CREB3L2: variants seen among roughly 807,000 people sequenced by gnomAD.
The protein encoded by CREB3L2 is cAMP responsive element binding protein 3 like 2.
In CREB3L2, 23 loss-of-function variants were observed where a neutral mutation model predicts 57.2. The ratio of observed to expected loss-of-function variants is 0.40; its 90% CI spans 0.29 to 0.57. The LOEUF is 0.57. CREB3L2 is among the 20% of genes least tolerant of loss of function. The pLI is 0.42. For synonymous variants in CREB3L2, 268 were observed against 265.1 expected (o/e 1.01, Z -0.11); for missense variants, 628 against 634.7 (o/e 0.99, Z 0.11).
intron 1 of CREB3L2, among the ~76,000 whole-genome samples, chr7:137,934,233 C>T (rs1239461656): frequency 6.6e-6 from 1 of 152,174 alleles, no homozygotes; most frequent in East Asian, 1.9e-4. Flanking sequence ...AGCTAGGGTA[C>T]TCATGTCAAA....
chr7:137,977,738 T>C (rs1801633806), intron 1 of CREB3L2, among the ~76,000 whole-genome samples: 1 of 152,048 alleles, frequency 6.6e-6, no homozygotes, highest in African/African-American at 2.4e-5. Flanking sequence ...CTGGTCAATA[T>C]GATGAAACCC....
At position 137,879,366 on chromosome 7, in the gene CREB3L2, T is replaced by G; in HGVS notation, c.*1110A>C. On this transcript the variant is annotated 3_prime_UTR_variant, in exon 12 of 12. Coordinates refer to ENST00000330387, the MANE Select transcript of CREB3L2 (RefSeq NM_194071.4). ...GAGGGAGGAGGGGGCCAGGCAGGTG[T>G]GGAAAGCCAGCAAGGTTGTCTGAAA... is the stretch of plus-strand genomic sequence containing the variant. The G allele has an allele frequency of 2.1e-6, 1 of 483,132 alleles. No homozygotes were observed. Among genetic ancestry groups the G allele is most frequent in the Non-Finnish European group, 4.0e-6 (1 of 252,622 alleles). 29.9% of individuals were successfully genotyped at this position (483,132 alleles called of 1,614,324 possible). A position where few individuals can be genotyped will look rare whatever the true frequency, so the allele number is the denominator to read the frequency against.
At chr7:137,906,107 G>C (rs577555595) in intron 5 of CREB3L2, among the ~76,000 whole-genome samples, 4 of 152,084 alleles carry the variant, frequency 2.6e-5, no homozygotes, top group Non-Finnish European at 5.9e-5. Context: ...ATTATTTCCC[G>C]GGAAGCACCC....
chr7:137,945,720 T>C (rs1241255986), intron 1 of CREB3L2, among the ~76,000 whole-genome samples: 1 of 152,084 alleles, frequency 6.6e-6, no homozygotes, highest in Non-Finnish European at 1.5e-5. Context: ...CACCAACAAG[T>C]ATGGTTACCT....
rs1169656479 is a variant in CREB3L2 at position 138,001,419 on chromosome 7, TA to T, written c.102+184del. ...AGTGGCATTACTCTCATGAGAAATG[TA>T]AAGGGGCCAGCTGCCCGCCTTCATC... is the stretch of plus-strand genomic sequence containing the variant. On this transcript the variant is annotated intron_variant, in intron 1 of 11. Coordinates refer to ENST00000330387, the MANE Select transcript of CREB3L2 (RefSeq NM_194071.4). This position sits in a 1 kb window ranked among gnomAD's most constrained non-coding sequence, Gnocchi z 4.2. Among the ~76,000 whole-genome samples the T allele has an allele frequency of 1.3e-5, 2 of 152,178 alleles. No homozygotes were observed. Among genetic ancestry groups the T allele is most frequent in the Non-Finnish European group, 2.9e-5 (2 of 68,028 alleles).
chr7:137,904,875 A>T (rs1799851370), intron 6 of CREB3L2, among the ~76,000 whole-genome samples: 1 of 151,870 alleles, frequency 6.6e-6, no homozygotes, highest in South Asian at 2.1e-4. Context: ...AGAAAAGAAA[A>T]CAATGGACAC....
chr7:137,884,631 G>T, intron 10 of CREB3L2: 1 of 551,192 alleles, frequency 1.8e-6, no homozygotes. Context: ...TCCACTCAGT[G>T]GAGGCAGAAA....
intron 3 of CREB3L2, among the ~76,000 whole-genome samples, chr7:137,913,506 C>CAAAAAAAAAAAAAAAA (rs33940093): frequency 9.2e-6 from 1 of 108,724 alleles, no homozygotes; most frequent in Non-Finnish European, 1.9e-5. Flanking sequence ...GACCCTATCT[C>CAAAAAAAAAAAAAAAA]AAAAAAAAAA....
Position 137,879,109 on chromosome 7 carries a change from C to CTT in CREB3L2, c.*1365_*1366dup. On this transcript the variant is annotated 3_prime_UTR_variant, in exon 12 of 12. Coordinates refer to ENST00000330387, the MANE Select transcript of CREB3L2 (RefSeq NM_194071.4). ...TTACACAATAAAAAGGCAATTTCCA[C>CTT]TTCTTATTTATATGAAAGAGGAAAG... 2.0e-6 allele frequency: 1 copy of CTT among 493,094 alleles called. No individual in the cohort carries two copies. Among genetic ancestry groups the CTT allele is most frequent in the Non-Finnish European group, 3.8e-6 (1 of 262,020 alleles). The allele number at this position is 493,094 out of a possible 1,614,324, so 30.5% of individuals were successfully genotyped here.
At chr7:137,885,784 G>T (rs1799404807) in intron 8 of CREB3L2, among the ~76,000 whole-genome samples, 1 of 152,190 alleles carries the variant, frequency 6.6e-6, no homozygotes, top group Admixed American at 6.5e-5. Context: ...ACAGGCTGTG[G>T]CTTGTTTCTC....
rs546740659 is a variant in CREB3L2, at chr7:137,910,111, C to T, written c.584-1675G>A. On this transcript the variant is annotated intron_variant, in intron 4 of 11. Coordinates refer to ENST00000330387, the MANE Select transcript of CREB3L2 (RefSeq NM_194071.4). ...GCATGAAAACAGACTAATACACTGC[C>T]CTCAGAGAGGATGAGCAGCAATCAG... Among the ~76,000 whole-genome samples the T allele has an allele frequency of 2.6e-5, 4 of 152,222 alleles. No homozygotes were observed. In the East Asian group the frequency reaches 5.8e-4, roughly 22 times the overall value.
At chr7:137,997,946 C>T (rs1802013757) in intron 1 of CREB3L2, among the ~76,000 whole-genome samples, 1 of 152,136 alleles carries the variant, frequency 6.6e-6, no homozygotes, top group South Asian at 2.1e-4. Flanking sequence ...TTTTCTGAAC[C>T]AATTTTAGCC....
At chr7:137,896,012 C>T (rs1339297256) in intron 8 of CREB3L2, among the ~76,000 whole-genome samples, 1 of 152,204 alleles carries the variant, frequency 6.6e-6, no homozygotes, top group African/African-American at 2.4e-5. Flanking sequence ...TGCCCAAACA[C>T]TGGTCACCTG....
Position 137,986,132 on chromosome 7 carries a change from TCA to T in CREB3L2, c.102+15470_102+15471del, listed in dbSNP as rs1164634669. Among the ~76,000 whole-genome samples, 3 of 152,336 alleles carry T rather than the reference TCA, an allele frequency of 2.0e-5. No homozygotes were observed. In the East Asian group the frequency reaches 5.8e-4, roughly 29 times the overall value. On this transcript the variant is annotated intron_variant, in intron 1 of 11. Coordinates refer to ENST00000330387, the MANE Select transcript of CREB3L2 (RefSeq NM_194071.4). The stretch of plus-strand genomic sequence containing the variant: ...TTGTGAAACAGTCTCAGAAAGGTGC[TCA>T]CAGTAGGGAGAGCCAGAACCAGATT...
At chr7:137,906,842 T>C (rs1427839341) in intron 5 of CREB3L2, among the ~76,000 whole-genome samples, 1 of 152,208 alleles carries the variant, frequency 6.6e-6, no homozygotes, top group South Asian at 2.1e-4. Context: ...ATGTAAGACA[T>C]GACTTGCTCC....
At chr7:137,981,181 A>G (rs2117314790) in intron 1 of CREB3L2, among the ~76,000 whole-genome samples, 1 of 152,282 alleles carries the variant, frequency 6.6e-6, no homozygotes, top group East Asian at 1.9e-4. Flanking sequence ...TGAAAGAAAG[A>G]GGAGAGCAAA....
chr7:137,905,907 T>A, intron 5 of CREB3L2, 59 bp from the exon 6 acceptor site: 1 of 1,468,264 alleles, frequency 6.8e-7, no homozygotes, highest in Non-Finnish European at 9.2e-7. Context: ...CACTGAAGAA[T>A]CACCTCCCAA....
At chr7:137,947,014 T>TTATA (rs537032447) in intron 1 of CREB3L2, among the ~76,000 whole-genome samples, 3 of 126,858 alleles carry the variant, frequency 2.4e-5, no homozygotes, top group African/African-American at 7.0e-5. Flanking sequence ...ATATATATAG[T>TTATA]TATATATATA....
chr7:137,992,395 C>T (rs1801915105), intron 1 of CREB3L2, among the ~76,000 whole-genome samples: 2 of 152,126 alleles, frequency 1.3e-5, no homozygotes, highest in African/African-American at 4.8e-5. Context: ...CTTGGGTTTA[C>T]ACTGCAAGAG....
Sources: gnomAD v4.1 joint callset for allele counts (sites outside exome capture counted in the v4.1 genomes callset) on GRCh38, gnomAD v4.1.1 for gene constraint, Gnocchi (gnomAD v3.1) non-coding constraint, MANE v1.5 for transcripts, NCBI Gene and HGNC (gene_info 2026-07-23, HGNC 2026-07-21) for gene names.